RBFOX1: variants seen among roughly 807,000 people sequenced by gnomAD.
RBFOX1 encodes RNA binding protein fox-1 homolog 1.
RBFOX1 carries 8 observed loss-of-function variants against 57.7 expected under a neutral mutation model. That is an observed-to-expected ratio of 0.14 (90% CI 0.08 to 0.25). The LOEUF (loss-of-function observed/expected upper bound fraction) is 0.25. RBFOX1 is among the 10% of genes least tolerant of loss of function. RBFOX1 has a pLI of 1.00. For missense variants in RBFOX1, 611 were observed against 548.5 expected (o/e 1.11, Z -1.14); for synonymous variants, 326 against 222.4 (o/e 1.47, Z -4.15).
intron 1 of RBFOX1, among the ~76,000 whole-genome samples, chr16:6,034,331 C>CAA (rs757260576): frequency 0.12 from 4,301 of 36,774 alleles, 946 homozygotes; most frequent in African/African-American, 0.2. Flanking sequence ...GACTGTTGCG[C>CAA]AAAAAAAAAA....
chr16:6,018,251 G>A (rs1420312833), upstream of RBFOX1, among the ~76,000 whole-genome samples: 1 of 136,232 alleles, frequency 7.3e-6, no homozygotes, highest in Non-Finnish European at 1.6e-5. Context: ...GGGAAGAGCA[G>A]AGTTTCTCAC....
At chr16:7,701,870 C>T (rs1412835019) in intron 14 of RBFOX1, among the ~76,000 whole-genome samples, 2 of 152,146 alleles carry the variant, frequency 1.3e-5, no homozygotes, top group Non-Finnish European at 1.5e-5. Context: ...TCTGAATTTC[C>T]CAATACATCC....
intron 2 of RBFOX1, among the ~76,000 whole-genome samples, chr16:5,592,726 T>C (rs1025329835): frequency 6.6e-6 from 1 of 152,198 alleles, no homozygotes; most frequent in Non-Finnish European, 1.5e-5. Context: ...CTCTGAGGTG[T>C]GGTGGAAATG....
At chr16:5,884,827 T>A (rs185072720) in intron 4 of RBFOX1, among the ~76,000 whole-genome samples, 21 of 152,198 alleles carry the variant, frequency 1.4e-4, no homozygotes, top group Admixed American at 1.4e-3. Context: ...AGAGGCTCCA[T>A]GAGGGGCTTT....
intron 4 of RBFOX1, among the ~76,000 whole-genome samples, chr16:5,956,999 G>C (rs2059656865): frequency 6.6e-6 from 1 of 151,890 alleles, no homozygotes; most frequent in Non-Finnish European, 1.5e-5. Context: ...GTTTTAAGTA[G>C]GCTGAAACTT....
intron 4 of RBFOX1, among the ~76,000 whole-genome samples, chr16:7,344,958 G>A (rs916424245): frequency 1.8e-4 from 28 of 151,680 alleles, no homozygotes; most frequent in Non-Finnish European, 3.5e-4. Flanking sequence ...GTCTCACAGC[G>A]GGCTGTCAGG....
In RBFOX1 at chr16:6,903,061, C is replaced by T. The variant is rs193021631; in HGVS notation, c.-15-148996C>T. 3.9e-5 allele frequency among the ~76,000 whole-genome samples: 6 copies of T among 152,196 alleles called. No individual in the cohort carries two copies. In the East Asian group the frequency reaches 5.8e-4, roughly 15 times the overall value. Reference sequence around the variant, plus strand: ...GTGAAGTGAAACAAGGTTTTGTGAGCATCTGTTGGAGCAACCTGACTCAGG... The same window carrying T: ...GTGAAGTGAAACAAGGTTTTGTGAGTATCTGTTGGAGCAACCTGACTCAGG... On this transcript the variant is annotated intron_variant, in intron 3 of 15. Transcript: ENST00000550418.
rs72770627 is a variant in RBFOX1 at position 6,892,459 on chromosome 16, C to G, written c.-15-159598C>G. ...CCGAAGTGGGTGGATCCCTTGAGGTCAGACGTTTGAGACCAGCCTGGCCAA... is the reference window on the plus strand; with the variant it reads ...CCGAAGTGGGTGGATCCCTTGAGGTGAGACGTTTGAGACCAGCCTGGCCAA... On this transcript the variant is annotated intron_variant, in intron 3 of 15. Coordinates refer to ENST00000550418, the MANE Select transcript of RBFOX1 (RefSeq NM_018723.4). Among the ~76,000 whole-genome samples the G allele has an allele frequency of 6.0e-3, 908 of 152,220 alleles. 9 individuals are homozygous for G. The highest frequency in any genetic ancestry group is 0.021 in the Middle Eastern group (6 of 292).
chr16:5,834,614 A>ATAGG (rs2056392069), intron 3 of RBFOX1, among the ~76,000 whole-genome samples: 1 of 152,074 alleles, frequency 6.6e-6, no homozygotes, highest in African/African-American at 2.4e-5. Flanking sequence ...AGATAGATAG[A>ATAGG]TAGATAGATT....
chr16:6,961,950 G>A (rs370589047), intron 3 of RBFOX1, among the ~76,000 whole-genome samples: 1 of 128,086 alleles, frequency 7.8e-6, no homozygotes, highest in African/African-American at 2.9e-5. Flanking sequence ...CAGACCTTCT[G>A]TCTCATCCTG....
intron 2 of RBFOX1, among the ~76,000 whole-genome samples, chr16:6,584,639 G>C (rs1308273544): frequency 2.6e-5 from 4 of 151,930 alleles, no homozygotes. Context: ...AAAGTGCTGG[G>C]ATTACAGGCA....
chr16:5,869,934 A>G (rs1240472240), intron 4 of RBFOX1, among the ~76,000 whole-genome samples: 1 of 152,208 alleles, frequency 6.6e-6, no homozygotes, highest in Non-Finnish European at 1.5e-5. Context: ...GTCTATTAAC[A>G]GAGTAACAGA....
chr16:5,526,373 C>T (rs1448415631), intron 2 of RBFOX1, among the ~76,000 whole-genome samples: 2 of 152,170 alleles, frequency 1.3e-5, no homozygotes, highest in Non-Finnish European at 2.9e-5. Context: ...ACTGCAACCC[C>T]TGCCTCCCGG....
At chr16:7,348,975 T>C (rs2145820427) in intron 4 of RBFOX1, among the ~76,000 whole-genome samples, 1 of 152,218 alleles carries the variant, frequency 6.6e-6, no homozygotes, top group Non-Finnish European at 1.5e-5. Context: ...AGGCAGAGAT[T>C]GATCGGCTCC....
chr16:7,186,994 C>CAAAAAAA (rs35177784), intron 4 of RBFOX1, among the ~76,000 whole-genome samples: 3 of 69,290 alleles, frequency 4.3e-5, no homozygotes, highest in Admixed American at 1.8e-4. Flanking sequence ...CCCACCTCCA[C>CAAAAAAA]AAAAAAAAAA....
chr16:6,764,481 CCATT>C lies in RBFOX1; in HGVS notation c.-16+109839_-16+109842del, dbSNP rs372490923. The stretch of plus-strand genomic sequence containing the variant: ...TTGTCTTCTCTCCACCTGTCTCTGT[CCATT>C]CATTCATCCCACGGATGCTTATTGA... On this transcript the variant is annotated intron_variant, in intron 3 of 15. Coordinates refer to ENST00000550418, the MANE Select transcript of RBFOX1 (RefSeq NM_018723.4). Among the ~76,000 whole-genome samples, 40 of 152,308 alleles carry C rather than the reference CCATT, an allele frequency of 2.6e-4. No individual in the cohort carries two copies. The South Asian group carries it at 3.3e-3, about 13-fold the overall frequency.
intron 3 of RBFOX1, among the ~76,000 whole-genome samples, chr16:6,782,606 T>G (rs774239305): frequency 6.6e-6 from 1 of 152,172 alleles, no homozygotes; most frequent in African/African-American, 2.4e-5. Context: ...TGCTATGATT[T>G]GGATTTTTCT....
At position 7,567,253 on chromosome 16, in the gene RBFOX1, A is replaced by ATATATATATCCC. The variant is rs1289614663; in HGVS notation, c.271-12515_271-12514insCCCTATATATAT. Among the ~76,000 whole-genome samples the ATATATATATCCC allele has an allele frequency of 5.6e-3, 236 of 42,126 alleles. 3 individuals are homozygous for ATATATATATCCC. The highest frequency in any genetic ancestry group is 0.023 in the Middle Eastern group (1 of 44). 27.6% of individuals were successfully genotyped at this position (42,126 alleles called of 152,430 possible). ...CCTATATATATATCCATATATCCCTATATATATATATCCCTATATATATAT... is the reference window on the plus strand; with the variant it reads ...CCTATATATATATCCATATATCCCTATATATATATCCCTATATATATATCCCTATATATATAT... On this transcript the variant is annotated intron_variant, in intron 5 of 15. Transcript: ENST00000550418.
chr16:5,388,641 A>G (rs1454525545), intron 1 of RBFOX1, among the ~76,000 whole-genome samples: 2 of 151,924 alleles, frequency 1.3e-5, no homozygotes, highest in African/African-American at 4.8e-5. Context: ...GCGTGGTATG[A>G]TCTCAGCTCA....
Sources: allele counts gnomAD v4.1 joint callset (sites outside exome capture counted in the v4.1 genomes callset), GRCh38; gene constraint gnomAD v4.1.1; transcripts MANE v1.5; gene names NCBI Gene and HGNC (gene_info 2026-07-23, HGNC 2026-07-21).